The following CD274 variants were observed in gnomAD, a reference collection of about 807,000 sequenced individuals.
CD274 encodes programmed cell death 1 ligand 1.
CD274 carries 8 observed loss-of-function variants against 30.1 expected under a neutral mutation model. The ratio of observed to expected loss-of-function variants is 0.27; its 90% CI spans 0.16 to 0.48. The LOEUF (loss-of-function observed/expected upper bound fraction) is 0.48, where lower values mean the gene tolerates loss of function less well. Among genes scored for constraint, CD274 ranks in the 20% least tolerant of loss-of-function variants. CD274 has a pLI of 0.99. For missense variants in CD274, 353 were observed against 346.6 expected, an observed-to-expected ratio of 1.02 and a Z score of -0.15; for synonymous variants, 152 against 124.6, an observed-to-expected ratio of 1.22 and a Z score of -1.46.
rs1819551866 is a variant in CD274 at position 5,469,489 on chromosome 9, T to C, written c.*1627T>C. ...GAAATGTATGTTAAAAGCACGTATT[T>C]TTAAAATTTTTTTCCTAAATAGTAA... On this transcript the variant is annotated 3_prime_UTR_variant, in exon 7 of 7. Coordinates refer to ENST00000381577, the MANE Select transcript of CD274 (RefSeq NM_014143.4). 1 of 230,906 alleles carries C rather than the reference T, an allele frequency of 4.3e-6. No individual in the cohort carries two copies. The highest frequency in any genetic ancestry group is 1.8e-4 in the South Asian group (1 of 5,500). 14.3% of individuals were successfully genotyped at this position (230,906 alleles called of 1,614,324 possible). A position where few individuals can be genotyped will look rare whatever the true frequency, so the allele number is the denominator to read the frequency against.
chr9:5,455,510 G>C (rs1563802231), intron 1 of CD274, among the ~76,000 whole-genome samples: 1 of 152,138 alleles, frequency 6.6e-6, no homozygotes, highest in Non-Finnish European at 1.5e-5. Flanking sequence ...ACTGTTAGTA[G>C]AAGAATCTGT....
Position 5,466,823 on chromosome 9 carries a change from C to G in CD274, c.844C>G (p.Gln282Glu), listed in dbSNP as rs765212963. ...CATCCAAGATACAAACTCAAAGAAG[C>G]AAAGTGGTAAGAATATCAGAAGGAA... ...CGIQDTNSKK[Q>E]SDTHLEET is the part of the protein sequence containing the mutation. Residue 282 changes from glutamine to glutamate, a missense_variant, in exon 6 of 7, where the codon CAA becomes GAA. Coordinates refer to ENST00000381577, the MANE Select transcript of CD274 (RefSeq NM_014143.4). 1 of 1,605,910 alleles carries G rather than the reference C, an allele frequency of 6.2e-7. No homozygotes were observed. Among genetic ancestry groups the G allele is most frequent in the East Asian group, 2.2e-5 (1 of 44,584 alleles).
intron 1 of CD274, among the ~76,000 whole-genome samples, chr9:5,455,009 T>G (rs1329193806): frequency 6.6e-6 from 1 of 152,198 alleles, no homozygotes; most frequent in Admixed American, 6.5e-5. Flanking sequence ...GTTGTCTTAT[T>G]GATTGTTAGG....
In CD274 at chr9:5,467,909, G is replaced by T. The variant is rs183332896; in HGVS notation, c.*47G>T. ...CTTCAAGCAGGGATTCTCAACCTGTGGTTTAGGGGTTCATCGGGGCTGAGC... is the reference window on the plus strand; with the variant it reads ...CTTCAAGCAGGGATTCTCAACCTGTTGTTTAGGGGTTCATCGGGGCTGAGC... On this transcript the variant is annotated 3_prime_UTR_variant, in exon 7 of 7. Transcript: ENST00000381577. 1.3e-6 allele frequency: 2 copies of T among 1,535,072 alleles called. No individual in the cohort carries two copies. The highest frequency in any genetic ancestry group is 2.2e-5 in the East Asian group (1 of 44,492).
chr9:5,462,727 C>T (rs1376326809), intron 3 of CD274, 107 bp from the exon 4 acceptor site: 2 of 1,052,390 alleles, frequency 1.9e-6, no homozygotes, highest in African/African-American at 3.2e-5. Context: ...GCATATCCCT[C>T]TGAGAACCAG....
chr9:5,462,525 A>G (rs555423857), intron 3 of CD274, among the ~76,000 whole-genome samples: 17 of 152,308 alleles, frequency 1.1e-4, no homozygotes, highest in African/African-American at 4.1e-4. Context: ...TCACATGGAT[A>G]TATTACATAG....
chr9:5,464,881 G>C (rs1284750774), intron 4 of CD274, among the ~76,000 whole-genome samples: 2 of 152,156 alleles, frequency 1.3e-5, no homozygotes, highest in Non-Finnish European at 2.9e-5. Flanking sequence ...GAGGTCAGGA[G>C]TTTGTGACCA....
chr9:5,465,571 G>C lies in CD274; in HGVS notation c.755G>C (p.Gly252Ala), dbSNP rs2131230088. 1 of 1,607,606 alleles carries C rather than the reference G, an allele frequency of 6.2e-7. No homozygotes were observed. Among genetic ancestry groups the C allele is most frequent in the Non-Finnish European group, 8.5e-7 (1 of 1,174,182 alleles). ...VILGAILLCL[G>A]VALTFIFRLR... ...CTGGGAGCCATCTTATTATGCCTTG[G>C]TGTAGCACTGACATTCATCTTCCGT... is the stretch of plus-strand genomic sequence containing the variant. Residue 252 changes from glycine to alanine, a missense_variant, in exon 5 of 7, where the codon GGT becomes GCT. Transcript: ENST00000381577.
At chr9:5,467,774 A>G in intron 6 of CD274, 66 bp from the exon 7 acceptor site, 3 of 1,237,860 alleles carry the variant, frequency 2.4e-6, no homozygotes, top group Non-Finnish European at 2.4e-6. Context: ...GTTTTTTATT[A>G]GATTTCTTGT....
intron 1 of CD274, among the ~76,000 whole-genome samples, chr9:5,453,861 C>G (rs1409976100): frequency 6.6e-6 from 1 of 152,172 alleles, no homozygotes; most frequent in Non-Finnish European, 1.5e-5. Flanking sequence ...TGGCAGCACT[C>G]TTGGCCTCTG....
At chr9:5,454,063 T>C (rs954423192) in intron 1 of CD274, among the ~76,000 whole-genome samples, 1 of 152,230 alleles carries the variant, frequency 6.6e-6, no homozygotes, top group African/African-American at 2.4e-5. Flanking sequence ...AATAAACGAA[T>C]GTTATTATTC....
At chr9:5,452,260 G>A (rs1039057665) in intron 1 of CD274, among the ~76,000 whole-genome samples, 8 of 151,964 alleles carry the variant, frequency 5.3e-5, no homozygotes, top group Admixed American at 1.3e-4. Context: ...CAGGTGATCC[G>A]CCTGCCTCGG....
At position 5,468,117 on chromosome 9, in the gene CD274, C is replaced by T. The variant is rs1316588860; in HGVS notation, c.*255C>T. The T allele has an allele frequency of 9.7e-6, 5 of 513,316 alleles. No homozygotes were observed. Among genetic ancestry groups the T allele is most frequent in the African/African-American group, 9.6e-5 (5 of 52,050 alleles). 31.8% of individuals were successfully genotyped at this position (513,316 alleles called of 1,614,324 possible). On this transcript the variant is annotated 3_prime_UTR_variant, in exon 7 of 7. Transcript: ENST00000381577. ...CTGAGGGGCTCATCGACGCCTGTGA[C>T]AGGGAGAAAGGATACTTCTGAACAA...
At chr9:5,464,065 A>G (rs10125854) in intron 4 of CD274, among the ~76,000 whole-genome samples, 9,972 of 152,278 alleles carry the variant, frequency 0.065, 313 homozygotes, top group South Asian at 0.1. Flanking sequence ...AAAATTAGAT[A>G]GAAAAGTCAA....
rs2131212182 is a variant in CD274, at chr9:5,457,278, G to A, written c.252G>A (p.Arg84=). 1 of 1,613,996 alleles carries A rather than the reference G, an allele frequency of 6.2e-7. No individual in the cohort carries two copies. The highest frequency in any genetic ancestry group is 8.5e-7 in the Non-Finnish European group (1 of 1,179,946). The change falls in exon 3 of 7, where the codon AGG becomes AGA. Residue 84 remains arginine, a synonymous_variant. Transcript: ENST00000381577. ...TTCAGCATAGTAGCTACAGACAGAG[G>A]GCCCGGCTGTTGAAGGACCAGCTCT... The part of the protein sequence containing the change: ...LKVQHSSYRQ[R]ARLLKDQLSL...
chr9:5,457,351 G>A lies in CD274; in HGVS notation c.325G>A (p.Ala109Thr), dbSNP rs1384048609. The A allele has an allele frequency of 5.0e-6, 8 of 1,614,034 alleles. No homozygotes were observed. Among genetic ancestry groups the A allele is most frequent in the Non-Finnish European group, 5.9e-6 (7 of 1,180,010 alleles). ...GATCACAGATGTGAAATTGCAGGAT[G>A]CAGGGGTGTACCGCTGCATGATCAG... The part of the protein sequence containing the change: ...LQITDVKLQD[A>T]GVYRCMISYG... The change falls in exon 3 of 7, where the codon GCA (alanine) becomes ACA (threonine). Residue 109 changes from alanine to threonine, a missense_variant. Transcript: ENST00000381577.
chr9:5,466,541 A>C (rs1819500241), intron 5 of CD274, among the ~76,000 whole-genome samples: 1 of 152,154 alleles, frequency 6.6e-6, no homozygotes, highest in Non-Finnish European at 1.5e-5. Context: ...TCTCTGGGAA[A>C]AGATGAAAAA....
At chr9:5,454,405 C>T (rs1819263149) in intron 1 of CD274, among the ~76,000 whole-genome samples, 1 of 152,096 alleles carries the variant, frequency 6.6e-6, no homozygotes, top group South Asian at 2.1e-4. Context: ...TCTAAACACA[C>T]ACACACACTT....
At chr9:5,455,242 C>G (rs1586762455) in intron 1 of CD274, among the ~76,000 whole-genome samples, 1 of 152,092 alleles carries the variant, frequency 6.6e-6, no homozygotes, top group East Asian at 1.9e-4. Flanking sequence ...ATCTTTTACT[C>G]CCCTACTTCA....
Sources: allele counts gnomAD v4.1 joint callset (sites outside exome capture counted in the v4.1 genomes callset), GRCh38; gene constraint gnomAD v4.1.1; transcripts MANE v1.5; gene names NCBI Gene and HGNC (gene_info 2026-07-23, HGNC 2026-07-21).